The following TMTC1 variants were observed in gnomAD, a reference collection of about 807,000 sequenced individuals.
The protein encoded by TMTC1 is transmembrane O-mannosyltransferase targeting cadherins 1.
Under a neutral mutation model 104.8 loss-of-function variants are expected in TMTC1, and 73 were observed. That is an observed-to-expected ratio of 0.70 (90% CI 0.58 to 0.85). The LOEUF (loss-of-function observed/expected upper bound fraction) is 0.85. TMTC1 is among the 40% of genes least tolerant of loss of function. TMTC1 has a pLI of 0.00. For missense variants in TMTC1, 1,035 were observed against 1,096.1 expected, an observed-to-expected ratio of 0.94 and a Z score of 0.79; for synonymous variants, 434 against 428.7, an observed-to-expected ratio of 1.01 and a Z score of -0.15.
At chr12:29,573,876 A>G (rs1173893741) in intron 8 of TMTC1, among the ~76,000 whole-genome samples, 1 of 152,130 alleles carries the variant, frequency 6.6e-6, no homozygotes, top group Non-Finnish European at 1.5e-5. Context: ...AGTCTCCAAC[A>G]GAAAAGTGAG....
chr12:29,660,831 T>TA, intron 5 of TMTC1: 1 of 1,493,650 alleles, frequency 6.7e-7, no homozygotes, highest in Non-Finnish European at 8.9e-7. Flanking sequence ...TGGCCCTTTT[T>TA]AAAAATGGTC....
At chr12:29,700,835 A>G (rs536099771) in intron 5 of TMTC1, among the ~76,000 whole-genome samples, 85 of 152,316 alleles carry the variant, frequency 5.6e-4, no homozygotes, top group Non-Finnish European at 9.3e-4. Flanking sequence ...CTCACAGCCA[A>G]TGCCTGGCAT....
At chr12:29,716,549 C>T (rs1256497441) in intron 5 of TMTC1, among the ~76,000 whole-genome samples, 1 of 151,504 alleles carries the variant, frequency 6.6e-6, no homozygotes, top group Non-Finnish European at 1.5e-5. Flanking sequence ...TATTTAGAGC[C>T]TAAGGATATG....
At chr12:29,524,453 T>C (rs902844005) in intron 11 of TMTC1, among the ~76,000 whole-genome samples, 9 of 152,158 alleles carry the variant, frequency 5.9e-5, no homozygotes, top group Admixed American at 2.0e-4. Context: ...CAATCTAGAG[T>C]AATTTTATTA....
intron 5 of TMTC1, among the ~76,000 whole-genome samples, chr12:29,671,331 T>G (rs1940507411): frequency 8.0e-6 from 1 of 125,520 alleles, no homozygotes; most frequent in African/African-American, 3.5e-5. Context: ...AATAAATAAA[T>G]AAAAGAAATA....
chr12:29,756,255 G>A (rs909953944), intron 3 of TMTC1, among the ~76,000 whole-genome samples: 6 of 152,206 alleles, frequency 3.9e-5, no homozygotes, highest in Non-Finnish European at 5.9e-5. Flanking sequence ...AACCACAGCC[G>A]TCAATTAACA....
chr12:29,551,262 T>A (rs1483121160), intron 10 of TMTC1, among the ~76,000 whole-genome samples: 1 of 152,194 alleles, frequency 6.6e-6, no homozygotes, highest in African/African-American at 2.4e-5. Flanking sequence ...AAAACTACTA[T>A]CTTGAATGTA....
intron 5 of TMTC1, among the ~76,000 whole-genome samples, chr12:29,714,263 TCAAA>T (rs1219706076): frequency 6.6e-6 from 1 of 152,218 alleles, no homozygotes; most frequent in Non-Finnish European, 1.5e-5. Context: ...AGCTTGCAAT[TCAAA>T]CAATCATTTA....
intron 6 of TMTC1, among the ~76,000 whole-genome samples, chr12:29,626,179 A>C (rs1937980572): frequency 6.6e-6 from 1 of 152,194 alleles, no homozygotes; most frequent in Non-Finnish European, 1.5e-5. Context: ...TTAGTGATAG[A>C]AGTATGGCAG....
chr12:29,517,903 C>T (rs1048851167), intron 13 of TMTC1, among the ~76,000 whole-genome samples: 12 of 152,028 alleles, frequency 7.9e-5, no homozygotes, highest in Admixed American at 2.0e-4. Flanking sequence ...TTAGTAGAGA[C>T]GAGGTTTCAC....
intron 5 of TMTC1, among the ~76,000 whole-genome samples, chr12:29,640,246 C>T (rs190640129): frequency 1.4e-4 from 21 of 152,258 alleles, no homozygotes; most frequent in African/African-American, 4.6e-4. Flanking sequence ...CAATTAAAGG[C>T]GGAGACTATT....
chr12:29,673,772 T>C (rs1169879973), intron 5 of TMTC1, among the ~76,000 whole-genome samples: 1 of 147,780 alleles, frequency 6.8e-6, no homozygotes, highest in East Asian at 2.0e-4. Context: ...TTTTTTTTCT[T>C]TTTTGAGATG....
intron 5 of TMTC1, among the ~76,000 whole-genome samples, chr12:29,710,637 T>C (rs1315702673): frequency 7.0e-6 from 1 of 143,020 alleles, no homozygotes; most frequent in Non-Finnish European, 1.5e-5. Flanking sequence ...TTTTTATATT[T>C]ATGTTATAAT....
intron 5 of TMTC1, among the ~76,000 whole-genome samples, chr12:29,669,447 G>A (rs11050349): frequency 0.13 from 20,526 of 152,128 alleles, 1,691 homozygotes; most frequent in East Asian, 0.35. Flanking sequence ...GCATGACATT[G>A]GTAGAGTGCC....
At chr12:29,753,416 C>T (rs372630660) in intron 4 of TMTC1, among the ~76,000 whole-genome samples, 2 of 152,242 alleles carry the variant, frequency 1.3e-5, no homozygotes, top group Non-Finnish European at 2.9e-5. Flanking sequence ...AGCAATGGTG[C>T]TCCGGGCTAA....
At chr12:29,520,987 T>C (rs1592162372) in intron 11 of TMTC1, 1 of 382,948 alleles carries the variant, frequency 2.6e-6, no homozygotes, top group Non-Finnish European at 4.8e-6. Context: ...TGGAAGGATA[T>C]GGACCTGTAC....
intron 16 of TMTC1, among the ~76,000 whole-genome samples, chr12:29,513,093 G>C (rs764336091): frequency 6.6e-6 from 1 of 152,202 alleles, no homozygotes; most frequent in Non-Finnish European, 1.5e-5. Flanking sequence ...TATCAGTGAA[G>C]ATGGGAATGT....
At chr12:29,753,591 G>A (rs532876717) in intron 4 of TMTC1, among the ~76,000 whole-genome samples, 1 of 152,338 alleles carries the variant, frequency 6.6e-6, no homozygotes, top group Admixed American at 6.5e-5. Flanking sequence ...CACAGGGCCC[G>A]CCCTTAGGTG....
intron 4 of TMTC1, 119 bp from the exon 5 acceptor site, chr12:29,751,991 GTC>G (rs1943103124): frequency 1.1e-6 from 1 of 895,706 alleles, no homozygotes; most frequent in African/African-American, 1.7e-5. Context: ...CCATTCTCAA[GTC>G]TTTAGCCCTT....
Sources: allele counts gnomAD v4.1 joint callset (sites outside exome capture counted in the v4.1 genomes callset), GRCh38; gene constraint gnomAD v4.1.1; transcripts MANE v1.5; gene names NCBI Gene and HGNC (gene_info 2026-07-23, HGNC 2026-07-21).